Variants in KSR2 observed in about 807,000 individuals in gnomAD.
The protein encoded by KSR2 is kinase suppressor of ras 2.
In KSR2, 25 loss-of-function variants were observed where a neutral mutation model predicts 107.8. The ratio of observed to expected loss-of-function variants is 0.23; its 90% CI spans 0.17 to 0.32. KSR2 has a LOEUF of 0.32. KSR2 is among the 10% of genes least tolerant of loss of function. The pLI is 1.00. For synonymous variants in KSR2, 480 were observed against 507.0 expected (o/e 0.95, Z 0.71); for missense variants, 887 against 1,268.9 (o/e 0.70, Z 4.57).
At chr12:117,656,630 A>G (rs1884169004) in intron 5 of KSR2, among the ~76,000 whole-genome samples, 1 of 152,116 alleles carries the variant, frequency 6.6e-6, no homozygotes, top group South Asian at 2.1e-4. Flanking sequence ...TTAACGTTTG[A>G]GTCAGCGGGC....
intron 7 of KSR2, among the ~76,000 whole-genome samples, chr12:117,573,094 C>T (rs1402405996): frequency 6.6e-6 from 1 of 152,204 alleles, no homozygotes; most frequent in East Asian, 1.9e-4. Context: ...CTTTCGGAGT[C>T]TTAATTTCCT....
intron 1 of KSR2, among the ~76,000 whole-genome samples, chr12:117,911,615 A>G (rs1023043768): frequency 6.6e-6 from 1 of 152,170 alleles, no homozygotes; most frequent in Non-Finnish European, 1.5e-5. Flanking sequence ...TATCTCTATC[A>G]AGGACTTCTT....
At chr12:117,797,477 T>C (rs1890674285) in intron 3 of KSR2, among the ~76,000 whole-genome samples, 1 of 151,846 alleles carries the variant, frequency 6.6e-6, no homozygotes, top group Non-Finnish European at 1.5e-5. Context: ...CCAGAGACTG[T>C]GGGAAGGAGG....
At chr12:117,652,323 T>A (rs1040277422) in intron 5 of KSR2, among the ~76,000 whole-genome samples, 1 of 151,970 alleles carries the variant, frequency 6.6e-6, no homozygotes, top group African/African-American at 2.4e-5. Flanking sequence ...ATAAAAATAA[T>A]AATAATTTAA....
At chr12:117,502,041 G>C (rs532713970) in intron 14 of KSR2, among the ~76,000 whole-genome samples, 11 of 152,290 alleles carry the variant, frequency 7.2e-5, no homozygotes, top group Non-Finnish European at 1.2e-4. Context: ...CTGACCCACT[G>C]TCACCACACA....
intron 3 of KSR2, among the ~76,000 whole-genome samples, chr12:117,804,685 G>A (rs942205933): frequency 4.6e-5 from 7 of 152,206 alleles, no homozygotes; most frequent in African/African-American, 1.4e-4. Flanking sequence ...GATAATAAGC[G>A]TTGTGTTTCC....
intron 4 of KSR2, among the ~76,000 whole-genome samples, chr12:117,726,888 C>T (rs1887447506): frequency 6.6e-6 from 1 of 152,156 alleles, no homozygotes; most frequent in Non-Finnish European, 1.5e-5. Context: ...TTTAGATTTA[C>T]TCTCAATAAC....
intron 3 of KSR2, among the ~76,000 whole-genome samples, chr12:117,819,535 C>T (rs192633439): frequency 1.2e-4 from 19 of 152,200 alleles, no homozygotes; most frequent in Non-Finnish European, 8.8e-5. Flanking sequence ...CTACATATGT[C>T]AAAGCTCATC....
intron 14 of KSR2, among the ~76,000 whole-genome samples, chr12:117,518,366 A>G (rs1874525487): frequency 6.6e-6 from 1 of 152,034 alleles, no homozygotes; most frequent in South Asian, 2.1e-4. Flanking sequence ...ACCTCGCCCC[A>G]TCCTACCCCA....
At chr12:117,595,474 C>T (rs933526344) in intron 5 of KSR2, among the ~76,000 whole-genome samples, 1 of 149,782 alleles carries the variant, frequency 6.7e-6, no homozygotes, top group African/African-American at 2.5e-5. Flanking sequence ...ACGCCATTCT[C>T]CTGCCTCAGC....
chr12:117,708,624 C>T (rs1313158673), intron 4 of KSR2, among the ~76,000 whole-genome samples: 2 of 152,196 alleles, frequency 1.3e-5, no homozygotes, highest in Non-Finnish European at 2.9e-5. Flanking sequence ...CTGTCAGTCT[C>T]TCCAACAATT....
chr12:117,501,279 C>T (rs550496965), intron 14 of KSR2, among the ~76,000 whole-genome samples: 37 of 152,328 alleles, frequency 2.4e-4, no homozygotes, highest in African/African-American at 7.7e-4. Context: ...GGAGTTGTAA[C>T]AAAGCCCATA....
intron 5 of KSR2, among the ~76,000 whole-genome samples, chr12:117,654,899 T>G (rs1260030046): frequency 6.6e-6 from 1 of 152,166 alleles, no homozygotes; most frequent in African/African-American, 2.4e-5. Flanking sequence ...AATGTGCCCA[T>G]GAACAAAGTG....
chr12:117,482,725 A>T (rs965286632), intron 16 of KSR2, among the ~76,000 whole-genome samples: 15 of 152,192 alleles, frequency 9.9e-5, no homozygotes, highest in Non-Finnish European at 1.8e-4. Context: ...CAGAAAACTG[A>T]GTCTAAAGGA....
At chr12:117,760,768 G>A (rs769375658) in intron 4 of KSR2, among the ~76,000 whole-genome samples, 32 of 152,154 alleles carry the variant, frequency 2.1e-4, no homozygotes, top group Non-Finnish European at 4.1e-4. Flanking sequence ...AAATCAGGCC[G>A]GGTATCAGAT....
chr12:117,827,927 A>G (rs997738807), intron 3 of KSR2, among the ~76,000 whole-genome samples: 39 of 152,338 alleles, frequency 2.6e-4, no homozygotes, highest in African/African-American at 9.1e-4. Context: ...CTCTGGCATT[A>G]TTCTTATGTA....
At chr12:117,670,701 C>G (rs1166171841) in intron 4 of KSR2, among the ~76,000 whole-genome samples, 1 of 152,152 alleles carries the variant, frequency 6.6e-6, no homozygotes, top group Admixed American at 6.5e-5. Context: ...CCTTTGCCCC[C>G]CTGTGTCTAG....
chr12:117,583,403 G>A (rs909023354), intron 5 of KSR2, among the ~76,000 whole-genome samples: 27 of 133,362 alleles, frequency 2.0e-4, no homozygotes, highest in African/African-American at 7.9e-4. Context: ...GTGGGTGAGT[G>A]AGTGGATGGA....
chr12:117,487,617 CA>C (rs1175857200), intron 14 of KSR2, among the ~76,000 whole-genome samples: 1 of 152,186 alleles, frequency 6.6e-6, no homozygotes, highest in East Asian at 1.9e-4. Context: ...AGTTCCTGAA[CA>C]GCCACCTACA....
Sources: allele counts gnomAD v4.1 joint callset (sites outside exome capture counted in the v4.1 genomes callset), GRCh38; gene constraint gnomAD v4.1.1; transcripts MANE v1.5; gene names NCBI Gene and HGNC (gene_info 2026-07-23, HGNC 2026-07-21).